Variants in EFCAB6 observed in about 807,000 individuals in gnomAD.
EFCAB6 encodes EF-hand calcium binding domain 6.
A neutral mutation model predicts 169.8 loss-of-function variants in EFCAB6; 156 were observed. The ratio of observed to expected loss-of-function variants is 0.92; its 90% confidence interval spans 0.81 to 1.05. EFCAB6 has a LOEUF of 1.05. Ranked by LOEUF, EFCAB6 falls within the 50% of genes least tolerant of loss-of-function variation. EFCAB6 has a pLI of 0.00. For synonymous variants in EFCAB6, 698 were observed against 676.4 expected (o/e 1.03, Z -0.50); for missense variants, 1,800 against 1,829.1 (o/e 0.98, Z 0.29).
intron 18 of EFCAB6, among the ~76,000 whole-genome samples, chr22:43,633,071 C>G (rs1241996700): frequency 6.6e-6 from 1 of 152,194 alleles, no homozygotes; most frequent in Non-Finnish European, 1.5e-5. Context: ...ACAAGAAAAC[C>G]TATCATCCCA....
intron 17 of EFCAB6, among the ~76,000 whole-genome samples, chr22:43,643,093 G>A (rs1424418292): frequency 2.0e-5 from 3 of 152,148 alleles, no homozygotes; most frequent in Non-Finnish European, 4.4e-5. Context: ...AGACAGGAAC[G>A]GAAGCTTCCC....
intron 5 of EFCAB6, among the ~76,000 whole-genome samples, chr22:43,756,883 T>C (rs1423260580): frequency 6.6e-6 from 1 of 152,130 alleles, no homozygotes; most frequent in Non-Finnish European, 1.5e-5. Context: ...GCAGCTGGTA[T>C]GAAGCCCTTG....
Position 43,795,339 on chromosome 22 carries a change from A to G in EFCAB6, c.-7-13014T>C, listed in dbSNP as rs1045736190. ...ACTAGAAGATATGACAAAAATTGCT[A>G]CCTGGGGACGATGGAGACATTGATC... is the stretch of plus-strand genomic sequence containing the variant. On this transcript the variant is annotated intron_variant, in intron 2 of 31. Transcript: ENST00000262726. The surrounding 1 kb of genome is among the most constrained non-coding windows in gnomAD (Gnocchi z 4.2). Among the ~76,000 whole-genome samples, 1 of 152,166 alleles carries G rather than the reference A, an allele frequency of 6.6e-6. No individual in the cohort carries two copies. Among genetic ancestry groups the G allele is most frequent in the African/African-American group, 2.4e-5 (1 of 41,434 alleles).
At chr22:43,754,009 A>G (rs2060866065) in intron 6 of EFCAB6, among the ~76,000 whole-genome samples, 1 of 152,148 alleles carries the variant, frequency 6.6e-6, no homozygotes, top group South Asian at 2.1e-4. Context: ...TTAGTGTGTG[A>G]CCGTTAGAAG....
intron 20 of EFCAB6, among the ~76,000 whole-genome samples, chr22:43,616,458 T>C (rs1212437700): frequency 6.6e-6 from 1 of 152,184 alleles, no homozygotes; most frequent in Non-Finnish European, 1.5e-5. Context: ...AGGTCAGGAC[T>C]TCGAGATCAG....
intron 7 of EFCAB6, 105 bp from the exon 8 acceptor site, chr22:43,731,916 C>T: frequency 1.8e-6 from 1 of 566,606 alleles, no homozygotes; most frequent in Non-Finnish European, 2.8e-6. Flanking sequence ...ATTTTAATGT[C>T]TGTTTCTAGC....
At chr22:43,623,581 G>C (rs1249755894) in intron 20 of EFCAB6, among the ~76,000 whole-genome samples, 2 of 152,012 alleles carry the variant, frequency 1.3e-5, no homozygotes, top group Non-Finnish European at 2.9e-5. Context: ...CCAACCAAGA[G>C]GGCAGGAAGA....
At chr22:43,573,772 G>C (rs1357101666) in intron 26 of EFCAB6, among the ~76,000 whole-genome samples, 1 of 148,152 alleles carries the variant, frequency 6.7e-6, no homozygotes, top group Non-Finnish European at 1.5e-5. Context: ...GCACAAACAT[G>C]CCAAAGTATT....
intron 8 of EFCAB6, among the ~76,000 whole-genome samples, chr22:43,718,712 C>A (rs1569436393): frequency 6.6e-6 from 1 of 152,078 alleles, no homozygotes; most frequent in Admixed American, 6.5e-5. Context: ...ACCTGGGAGG[C>A]GGAGGTTGTA....
intron 2 of EFCAB6, among the ~76,000 whole-genome samples, chr22:43,798,996 G>C (rs2062608572): frequency 6.6e-6 from 1 of 152,038 alleles, no homozygotes; most frequent in South Asian, 2.1e-4. Flanking sequence ...CCTTTCTACA[G>C]CACAGGCATA....
intron 22 of EFCAB6, among the ~76,000 whole-genome samples, chr22:43,602,404 G>A (rs1001477094): frequency 2.6e-5 from 4 of 152,202 alleles, no homozygotes; most frequent in African/African-American, 9.6e-5. Context: ...GCACCATCAG[G>A]GGCAAGCGCC....
In EFCAB6 at chr22:43,534,736, C is replaced by T. The variant is rs375058836; in HGVS notation, c.4185G>A (p.Lys1395=). 5 of 1,613,602 alleles carry T rather than the reference C, an allele frequency of 3.1e-6. No individual in the cohort carries two copies. The highest frequency in any genetic ancestry group is 2.2e-5 in the East Asian group (1 of 44,844). Residue 1395 remains lysine, a synonymous_variant, in exon 30 of 32, where the codon AAG becomes AAA. Transcript: ENST00000262726. ...TCATCCTGTGCATCAGTGAGCTTTC[C>T]TTTGCTTTTAGCAGGAGGACACAGC... ...IQSCVLLLKA[K]ESSLMHRMKI... is the part of the protein sequence containing the mutation.
intron 10 of EFCAB6, among the ~76,000 whole-genome samples, chr22:43,687,797 T>C (rs922002472): frequency 6.6e-6 from 1 of 152,376 alleles, no homozygotes; most frequent in African/African-American, 2.4e-5. Flanking sequence ...CATGCCTCTA[T>C]ATTGTTAATG....
At position 43,528,851 on chromosome 22, in the gene EFCAB6, G is replaced by A. The variant is rs374096572; in HGVS notation, c.*2C>T. The A allele has an allele frequency of 1.1e-5, 18 of 1,602,736 alleles. No homozygotes were observed. The highest frequency in any genetic ancestry group is 1.7e-4 in the Middle Eastern group (1 of 6,016). ...GTCCCGCTGGGCACACAGCAGGGGT[G>A]TCTACTGGAGGAATGCCCGGAGGAA... On this transcript the variant is annotated 3_prime_UTR_variant, in exon 32 of 32. Coordinates refer to ENST00000262726, the MANE Select transcript of EFCAB6 (RefSeq NM_022785.4).
At chr22:43,679,110 T>A (rs2057898073) in intron 12 of EFCAB6, among the ~76,000 whole-genome samples, 2 of 152,216 alleles carry the variant, frequency 1.3e-5, no homozygotes, top group Non-Finnish European at 2.9e-5. Flanking sequence ...TCTAGAATAG[T>A]TTCAGCACCC....
At chr22:43,753,050 T>G (rs2060825992) in intron 6 of EFCAB6, among the ~76,000 whole-genome samples, 1 of 152,222 alleles carries the variant, frequency 6.6e-6, no homozygotes, top group South Asian at 2.1e-4. Flanking sequence ...TGAAAGGTAC[T>G]TTAGAGTTGT....
At position 43,808,748 on chromosome 22, in the gene EFCAB6, G is replaced by C. The variant is rs556550770; in HGVS notation, c.-8+247C>G. ...ATAACAGAGAAAAAACAAAAAGTGA[G>C]TCCAGAAAAAAACCCAGCAGGAAGA... On this transcript the variant is annotated intron_variant, in intron 2 of 31. Transcript: ENST00000262726. 2.6e-5 allele frequency among the ~76,000 whole-genome samples: 4 copies of C among 152,282 alleles called. No individual in the cohort carries two copies. The East Asian group carries it at 7.7e-4, about 29-fold the overall frequency.
chr22:43,730,990 G>A (rs750054659), intron 8 of EFCAB6, among the ~76,000 whole-genome samples: 5 of 152,118 alleles, frequency 3.3e-5, no homozygotes, highest in Non-Finnish European at 7.4e-5. Flanking sequence ...GAGTCATTCA[G>A]GGGCAGTCAC....
intron 15 of EFCAB6, among the ~76,000 whole-genome samples, chr22:43,670,697 C>T (rs1367832991): frequency 1.3e-5 from 2 of 152,188 alleles, no homozygotes; most frequent in African/African-American, 4.8e-5. Flanking sequence ...CTACTGTTGC[C>T]ACAACTGTGA....
Sources: allele counts gnomAD v4.1 joint callset (sites outside exome capture counted in the v4.1 genomes callset), GRCh38; gene constraint gnomAD v4.1.1; non-coding constraint Gnocchi (gnomAD v3.1); transcripts MANE v1.5; gene names NCBI Gene and HGNC (gene_info 2026-07-23, HGNC 2026-07-21).